Variants in NDUFAF6 observed in about 807,000 individuals in gnomAD.
NDUFAF6 encodes NADH dehydrogenase (ubiquinone) complex I, assembly factor 6.
A neutral mutation model predicts 40.8 loss-of-function variants in NDUFAF6; 45 were observed. The observed-to-expected ratio is 1.10, with a 90% CI of 0.87 to 1.42. NDUFAF6 has a LOEUF of 1.42. Among genes scored for constraint, NDUFAF6 ranks in the 40% most tolerant of loss-of-function variants. The pLI, the probability that NDUFAF6 is intolerant of heterozygous loss-of-function variation, is 0.00. For synonymous variants in NDUFAF6, 185 were observed against 155.9 expected, an observed-to-expected ratio of 1.19 and a Z score of -1.39; for missense variants, 435 against 418.5, an observed-to-expected ratio of 1.04 and a Z score of -0.34.
At chr8:95,071,002 T>C (rs1377366087) in intron 9 of NDUFAF6, among the ~76,000 whole-genome samples, 2 of 152,080 alleles carry the variant, frequency 1.3e-5, no homozygotes, top group East Asian at 3.8e-4. Context: ...ATAATAATGG[T>C]GATAATCCAG....
At chr8:95,028,993 A>G (rs1828508654) in intron 1 of NDUFAF6, among the ~76,000 whole-genome samples, 1 of 152,164 alleles carries the variant, frequency 6.6e-6, no homozygotes, top group Non-Finnish European at 1.5e-5. Flanking sequence ...TTGAGATAGC[A>G]AGGTTACTGT....
intron 3 of NDUFAF6, among the ~76,000 whole-genome samples, chr8:95,040,356 G>A (rs1325483982): frequency 6.6e-6 from 1 of 152,134 alleles, no homozygotes; most frequent in Non-Finnish European, 1.5e-5. Context: ...TTATTACTTA[G>A]TCACAATTTT....
chr8:94,979,755 A>C (rs1825257662), intron 1 of NDUFAF6, among the ~76,000 whole-genome samples: 1 of 152,240 alleles, frequency 6.6e-6, no homozygotes, highest in South Asian at 2.1e-4. Context: ...GATCACAACA[A>C]TGTAAAAAAA....
rs1048386441 is a variant in NDUFAF6, at chr8:94,941,898, C to T, written c.-935-3585C>T. Reference sequence around the variant, plus strand: ...CATTTCTACCTGGCTACCTGATGGGCGTATCAAACCAAACACATACCAAAG... The same window carrying T: ...CATTTCTACCTGGCTACCTGATGGGTGTATCAAACCAAACACATACCAAAG... On this transcript the variant is annotated intron_variant, in intron 1 of 14. Coordinates refer to the NDUFAF6 transcript ENST00000396113. 2.0e-5 allele frequency among the ~76,000 whole-genome samples: 3 copies of T among 152,146 alleles called. No homozygotes were observed. In the East Asian group the frequency reaches 5.8e-4, roughly 29 times the overall value.
At chr8:94,896,876 C>T (rs1817645473) in intron 1 of NDUFAF6, among the ~76,000 whole-genome samples, 1 of 152,188 alleles carries the variant, frequency 6.6e-6, no homozygotes, top group Non-Finnish European at 1.5e-5. Flanking sequence ...ATAATTCTCT[C>T]CCTAATTTAC....
chr8:94,931,609 C>CATATAT (rs1554629448), intron 1 of NDUFAF6, among the ~76,000 whole-genome samples: 3 of 151,680 alleles, frequency 2.0e-5, no homozygotes, highest in African/African-American at 7.3e-5. Context: ...CACACACACA[C>CATATAT]ATAAAATTTT....
At chr8:95,070,020 A>G (rs1037247720) in intron 9 of NDUFAF6, among the ~76,000 whole-genome samples, 18 of 151,392 alleles carry the variant, frequency 1.2e-4, no homozygotes, top group African/African-American at 3.9e-4. Flanking sequence ...GAGCTCCTTC[A>G]CTCATGAACT....
intron 1 of NDUFAF6, among the ~76,000 whole-genome samples, chr8:94,915,278 T>C (rs1185811201): frequency 6.6e-6 from 1 of 152,200 alleles, no homozygotes; most frequent in Non-Finnish European, 1.5e-5. Flanking sequence ...TGTCCATCTT[T>C]ACCCAGTATT....
chr8:95,118,402 A>AT (rs1362322194), downstream of NDUFAF6, among the ~76,000 whole-genome samples: 2 of 152,304 alleles, frequency 1.3e-5, no homozygotes, highest in East Asian at 3.9e-4. Flanking sequence ...TATGTCACAG[A>AT]GTGGGAAAGT....
intron 1 of NDUFAF6, among the ~76,000 whole-genome samples, chr8:94,971,358 C>T (rs1204454513): frequency 6.6e-6 from 1 of 152,186 alleles, no homozygotes; most frequent in Admixed American, 6.5e-5. Context: ...TACTCCCAAA[C>T]AATATTGTTG....
intron 1 of NDUFAF6, among the ~76,000 whole-genome samples, chr8:94,970,492 G>A (rs1357995945): frequency 6.6e-6 from 1 of 152,078 alleles, no homozygotes; most frequent in Admixed American, 6.6e-5. Flanking sequence ...TCAGGAGGCT[G>A]AGGCAAGAGA....
downstream of NDUFAF6, among the ~76,000 whole-genome samples, chr8:95,117,819 A>G (rs1013053010): frequency 6.6e-6 from 1 of 152,200 alleles, no homozygotes; most frequent in African/African-American, 2.4e-5. Context: ...GTGGAGTTGT[A>G]AGAACAAAGC....
At chr8:94,924,325 G>A (rs959198240) in intron 1 of NDUFAF6, among the ~76,000 whole-genome samples, 4 of 152,196 alleles carry the variant, frequency 2.6e-5, no homozygotes, top group Admixed American at 1.3e-4. Context: ...CTCCCAAAAT[G>A]CTGGGATTAC....
At chr8:94,922,762 T>G (rs1173062833) in intron 1 of NDUFAF6, among the ~76,000 whole-genome samples, 2 of 152,170 alleles carry the variant, frequency 1.3e-5, no homozygotes, top group East Asian at 3.9e-4. Context: ...TACAGGCATG[T>G]GCCACTGCGC....
chr8:94,948,181 C>G (rs558402010), intron 2 of NDUFAF6, among the ~76,000 whole-genome samples: 9 of 152,136 alleles, frequency 5.9e-5, no homozygotes, highest in Non-Finnish European at 1.0e-4. Flanking sequence ...TCAGAAAATA[C>G]AAGCAAAACA....
chr8:95,078,658 A>AT (rs1434290595), downstream of NDUFAF6: 1 of 62,638 alleles, frequency 1.6e-5, no homozygotes, highest in Non-Finnish European at 3.5e-5. Flanking sequence ...TTAAAAAAAA[A>AT]AAAAATATAT....
chr8:95,101,117 T>C (rs550604184), intron 1 of NDUFAF6: 3 of 152,296 alleles, frequency 2.0e-5, no homozygotes, highest in African/African-American at 4.8e-5. Context: ...CTGCAATACA[T>C]TGTGTTCTTA....
chr8:95,025,159 G>A lies in NDUFAF6; in HGVS notation c.151G>A (p.Gly51Arg), dbSNP rs868345341. ...TGGGCGGAGCGTGGCTGCGGCCAGC[G>A]GACCGGGCGCCTGGGGCACTGACCA... ...VSGRSVAAAS[G>R]PGAWGTDHYC... The change falls in exon 1 of 9, where the codon GGA (glycine) becomes AGA (arginine). Residue 51 changes from glycine to arginine, a missense_variant. By Grantham distance (125) the Gly-to-Arg change is moderately radical (BLOSUM62 -2). Transcript: ENST00000396124. 6.7e-7 allele frequency: 1 copy of A among 1,483,100 alleles called. No homozygotes were observed. Among genetic ancestry groups the A allele is most frequent in the Admixed American group, 2.4e-5 (1 of 41,922 alleles). 91.9% of individuals were successfully genotyped at this position (1,483,100 alleles called of 1,614,324 possible). A position where few individuals can be genotyped will look rare whatever the true frequency, so the allele number is the denominator to read the frequency against.
At chr8:95,048,975 G>A (rs1036451211) in intron 7 of NDUFAF6, among the ~76,000 whole-genome samples, 3 of 152,094 alleles carry the variant, frequency 2.0e-5, no homozygotes, top group African/African-American at 7.2e-5. Context: ...TGTTGCTGCT[G>A]CCTTCTGAAT....
Sources: gnomAD v4.1 joint callset for allele counts (sites outside exome capture counted in the v4.1 genomes callset) on GRCh38, gnomAD v4.1.1 for gene constraint, MANE v1.5 for transcripts, NCBI Gene and HGNC (gene_info 2026-07-23, HGNC 2026-07-21) for gene names.